Variants in EPHB1 observed in about 807,000 individuals in gnomAD.
EPHB1 encodes EPH receptor B1.
In EPHB1, 30 loss-of-function variants were observed where a neutral mutation model predicts 94.4. That is an observed-to-expected ratio of 0.32 (90% CI 0.24 to 0.43). The LOEUF is 0.43. EPHB1 is among the 20% of genes least tolerant of loss of function. The pLI, the probability that EPHB1 is intolerant of heterozygous loss-of-function variation, is 1.00. For missense variants in EPHB1, 1,055 were observed against 1,308.3 expected (o/e 0.81, Z 2.99); for synonymous variants, 522 against 489.1 (o/e 1.07, Z -0.89).
intron 1 of EPHB1, among the ~76,000 whole-genome samples, chr3:134,799,578 G>A (rs1347826212): frequency 6.6e-6 from 1 of 152,192 alleles, no homozygotes; most frequent in African/African-American, 2.4e-5. Context: ...GTAAACAACT[G>A]CAGAGGCCCA....
intron 12 of EPHB1, among the ~76,000 whole-genome samples, chr3:135,238,893 C>T (rs374217975): frequency 3.6e-4 from 55 of 152,360 alleles, no homozygotes; most frequent in African/African-American, 1.2e-3. Flanking sequence ...CTAATGGCAA[C>T]ACACAACTTG....
Position 135,052,931 on chromosome 3 carries a change from G to A in EPHB1, c.806-53517G>A, listed in dbSNP as rs6803074. 1.1e-3 allele frequency among the ~76,000 whole-genome samples: 103 copies of A among 93,802 alleles called. 4 individuals carry two copies. Among genetic ancestry groups the A allele is most frequent in the African/African-American group, 5.3e-3 (91 of 17,298 alleles). The allele number at this position is 93,802 out of a possible 152,430, so 61.5% of individuals were successfully genotyped here. A position where few individuals can be genotyped will look rare whatever the true frequency, so the allele number is the denominator to read the frequency against. On this transcript the variant is annotated intron_variant, in intron 3 of 15. Transcript: ENST00000398015. ...TATATGTGTGTGTGTGTGTGTGTGTGTATATATGTGTGTATATATATATAT... is the reference window on the plus strand; with the variant it reads ...TATATGTGTGTGTGTGTGTGTGTGTATATATATGTGTGTATATATATATAT...
chr3:134,849,474 G>T (rs1025830453), intron 1 of EPHB1, among the ~76,000 whole-genome samples: 2 of 152,216 alleles, frequency 1.3e-5, no homozygotes, highest in African/African-American at 4.8e-5. Context: ...GAGGATCAGA[G>T]TCAGAAATGG....
intron 3 of EPHB1, among the ~76,000 whole-genome samples, chr3:135,096,519 T>C (rs1938771101): frequency 6.6e-6 from 1 of 152,258 alleles, no homozygotes; most frequent in African/African-American, 2.4e-5. Flanking sequence ...GCACTGATGC[T>C]ATTTGTCTTA....
At chr3:135,165,324 C>T (rs1026125404) in intron 7 of EPHB1, among the ~76,000 whole-genome samples, 2 of 152,110 alleles carry the variant, frequency 1.3e-5, no homozygotes, top group Non-Finnish European at 1.5e-5. Context: ...CACATGGTAA[C>T]GCCAGGGTTT....
chr3:134,882,224 GTAGACAAAAGAGGAATGAA>G (rs1371344273), intron 1 of EPHB1, among the ~76,000 whole-genome samples: 2 of 152,148 alleles, frequency 1.3e-5, no homozygotes, highest in Non-Finnish European at 2.9e-5. Flanking sequence ...ATTTCATAAG[GTAGACAAAAGAGGAATGAA>G]CTGAGAGGAA....
At chr3:135,073,156 A>G (rs1937784996) in intron 3 of EPHB1, among the ~76,000 whole-genome samples, 1 of 151,580 alleles carries the variant, frequency 6.6e-6, no homozygotes, top group African/African-American at 2.4e-5. Flanking sequence ...TAATTCTACT[A>G]TTTGAGTATT....
At chr3:135,171,407 CTT>C (rs1559860470) in intron 9 of EPHB1, among the ~76,000 whole-genome samples, 1 of 152,132 alleles carries the variant, frequency 6.6e-6, no homozygotes, top group East Asian at 1.9e-4. Flanking sequence ...TATTCAATCT[CTT>C]GTTTGTTTGA....
chr3:134,797,143 T>A (rs1347965410), intron 1 of EPHB1, among the ~76,000 whole-genome samples: 1 of 152,078 alleles, frequency 6.6e-6, no homozygotes, highest in African/African-American at 2.4e-5. Flanking sequence ...TTTCCGAAGG[T>A]GGCTTTTTGT....
At chr3:134,851,150 G>C (rs2036975886) in intron 1 of EPHB1, among the ~76,000 whole-genome samples, 1 of 152,238 alleles carries the variant, frequency 6.6e-6, no homozygotes, top group Admixed American at 6.5e-5. Flanking sequence ...GGAGTTCTCA[G>C]GGCCAGCAGG....
intron 10 of EPHB1, among the ~76,000 whole-genome samples, chr3:135,191,985 A>G (rs907060950): frequency 1.3e-5 from 2 of 152,204 alleles, no homozygotes; most frequent in Non-Finnish European, 2.9e-5. Context: ...TCAGGTCTGC[A>G]TGGTGATCTT....
intron 4 of EPHB1, 31 bp downstream of exon 4, chr3:135,106,634 G>C: frequency 6.2e-7 from 1 of 1,609,958 alleles, no homozygotes; most frequent in Non-Finnish European, 8.5e-7. Context: ...CTGGGCTGGG[G>C]AGTTTGGTTC....
rs752641492 is a variant in EPHB1, at chr3:135,150,185, A to T, written c.1298-3967A>T. Among the ~76,000 whole-genome samples, 56 of 152,244 alleles carry T rather than the reference A, an allele frequency of 3.7e-4. 2 individuals carry two copies. The highest frequency in any genetic ancestry group is 2.9e-5 in the Non-Finnish European group (2 of 68,036). On this transcript the variant is annotated intron_variant, in intron 5 of 15. Transcript: ENST00000398015. Reference sequence around the variant, plus strand: ...GCATTGATCTTTCCATTTTTTAAATACATGATGTTTCAGCTCTCAAGACAG... The same window carrying T: ...GCATTGATCTTTCCATTTTTTAAATTCATGATGTTTCAGCTCTCAAGACAG...
At chr3:135,107,477 C>T (rs977786658) in intron 4 of EPHB1, among the ~76,000 whole-genome samples, 1 of 152,170 alleles carries the variant, frequency 6.6e-6, no homozygotes, top group Non-Finnish European at 1.5e-5. Flanking sequence ...TTTTAAGTAT[C>T]CCATTGTATT....
intron 3 of EPHB1, among the ~76,000 whole-genome samples, chr3:135,046,898 A>G (rs1478385988): frequency 2.6e-5 from 4 of 152,356 alleles, no homozygotes; most frequent in Non-Finnish European, 5.9e-5. Context: ...TTATTGTAAA[A>G]GGCAAGGAAA....
At chr3:135,089,273 G>A (rs1213207885) in intron 3 of EPHB1, among the ~76,000 whole-genome samples, 1 of 152,208 alleles carries the variant, frequency 6.6e-6, no homozygotes, top group East Asian at 1.9e-4. Context: ...GTGGGACTTT[G>A]AACAAGCTAC....
intron 1 of EPHB1, among the ~76,000 whole-genome samples, chr3:134,869,662 T>A (rs1229478414): frequency 6.6e-6 from 1 of 152,208 alleles, no homozygotes; most frequent in Non-Finnish European, 1.5e-5. Flanking sequence ...CTAAAGCAAT[T>A]TGAGTGCAAA....
chr3:134,921,180 A>G, intron 1 of EPHB1, among the ~76,000 whole-genome samples: 1 of 151,784 alleles, frequency 6.6e-6, no homozygotes, highest in East Asian at 1.9e-4. Flanking sequence ...TTACTCTCCC[A>G]TCTGCTTGGG....
chr3:134,830,711 G>C (rs192617331), intron 1 of EPHB1, among the ~76,000 whole-genome samples: 3 of 152,152 alleles, frequency 2.0e-5, no homozygotes, highest in Non-Finnish European at 4.4e-5. Context: ...AGGCTGATGG[G>C]CATGACCGTG....
Sources: allele counts gnomAD v4.1 joint callset (sites outside exome capture counted in the v4.1 genomes callset), GRCh38; gene constraint gnomAD v4.1.1; transcripts MANE v1.5; gene names NCBI Gene and HGNC (gene_info 2026-07-23, HGNC 2026-07-21).